Variants in SGCG observed in about 807,000 individuals in gnomAD.
SGCG encodes gamma-sarcoglycan.
A neutral mutation model predicts 29.3 loss-of-function variants in SGCG; 26 were observed. That is an observed-to-expected ratio of 0.89 (90% CI 0.65 to 1.23). The LOEUF is 1.23. SGCG is among the 50% of genes most tolerant of loss of function. The probability of loss-of-function intolerance (pLI) is 0.00; values close to 1 mark genes in which losing one functional copy is unlikely to be tolerated. For missense variants in SGCG, 353 were observed against 356.0 expected, an observed-to-expected ratio of 0.99 and a Z score of 0.07; for synonymous variants, 145 against 129.7, an observed-to-expected ratio of 1.12 and a Z score of -0.80.
At chr13:23,285,504 G>A (rs1881463495) in intron 5 of SGCG, among the ~76,000 whole-genome samples, 1 of 152,216 alleles carries the variant, frequency 6.6e-6, no homozygotes, top group Non-Finnish European at 1.5e-5. Context: ...TGCTGTGTTG[G>A]CAGCAAGAAT....
At chr13:23,295,762 CTT>C (rs1593095585) in intron 6 of SGCG, among the ~76,000 whole-genome samples, 2 of 152,316 alleles carry the variant, frequency 1.3e-5, no homozygotes, top group East Asian at 3.9e-4. Flanking sequence ...ATCAAAATGA[CTT>C]TGCTAAATGC....
At chr13:23,161,914 T>G in the SGCG span, among the ~76,000 whole-genome samples, 1 of 152,248 alleles carries the variant, frequency 6.6e-6, no homozygotes, top group Non-Finnish European at 1.5e-5. Flanking sequence ...ATGATACACT[T>G]AACACCGTGG....
At chr13:23,174,340 C>T in the SGCG span, among the ~76,000 whole-genome samples, 1 of 152,004 alleles carries the variant, frequency 6.6e-6, no homozygotes, top group Non-Finnish European at 1.5e-5. Context: ...ACAAGTTTGG[C>T]CGAAGCTTGA....
At chr13:23,245,215 A>C (rs1413698864) in intron 3 of SGCG, 1 of 152,142 alleles carries the variant, frequency 6.6e-6, no homozygotes, top group Non-Finnish European at 1.5e-5. Context: ...CCCTTTCTAA[A>C]AGAAATGGCT....
the SGCG span, among the ~76,000 whole-genome samples, chr13:23,172,513 G>C: frequency 1.3e-5 from 2 of 152,134 alleles, no homozygotes; most frequent in East Asian, 3.9e-4. Context: ...ATACATTAAA[G>C]TTTTCCTTTA....
At chr13:23,274,131 TG>T (rs886291997) in intron 4 of SGCG, among the ~76,000 whole-genome samples, 6 of 152,338 alleles carry the variant, frequency 3.9e-5, no homozygotes, top group African/African-American at 1.4e-4. Flanking sequence ...TTAACGCTTT[TG>T]ACTTGAATTC....
At chr13:23,286,208 CT>C (rs1881489992) in intron 5 of SGCG, among the ~76,000 whole-genome samples, 1 of 152,196 alleles carries the variant, frequency 6.6e-6, no homozygotes, top group Admixed American at 6.5e-5. Context: ...AGCCACTGGT[CT>C]CTCACCATTA....
At chr13:23,185,182 A>C (rs1593159807) in intron 1 of SGCG, among the ~76,000 whole-genome samples, 6 of 152,166 alleles carry the variant, frequency 3.9e-5, no homozygotes, top group Admixed American at 3.9e-4. Flanking sequence ...GACAACTTTC[A>C]CATAGATAAA....
intron 5 of SGCG, among the ~76,000 whole-genome samples, chr13:23,286,263 G>A (rs928213288): frequency 1.6e-4 from 24 of 152,184 alleles, no homozygotes; most frequent in African/African-American, 2.9e-4. Context: ...CAAATTGATC[G>A]TGAAATTAAA....
At chr13:23,169,894 G>T in the SGCG span, 4 of 152,206 alleles carry the variant, frequency 2.6e-5, no homozygotes, top group African/African-American at 9.7e-5. Context: ...ATTGGGGCTG[G>T]TTTGGGCATG....
At chr13:23,195,897 A>G (rs1417965017) in intron 1 of SGCG, among the ~76,000 whole-genome samples, 1 of 152,084 alleles carries the variant, frequency 6.6e-6, no homozygotes, top group African/African-American at 2.4e-5. Flanking sequence ...TATTAAATTT[A>G]CTGTTACAAA....
intron 1 of SGCG, among the ~76,000 whole-genome samples, chr13:23,184,814 A>G (rs1876905661): frequency 6.6e-6 from 1 of 152,142 alleles, no homozygotes; most frequent in Admixed American, 6.5e-5. Context: ...CCTTAATACA[A>G]CACCTGAACA....
At chr13:23,261,440 A>G (rs1880432977) in intron 4 of SGCG, among the ~76,000 whole-genome samples, 2 of 152,196 alleles carry the variant, frequency 1.3e-5, no homozygotes, top group South Asian at 2.1e-4. Flanking sequence ...TTTTGAATTA[A>G]CTGAATCAGA....
At chr13:23,293,060 T>C (rs1881777960) in intron 5 of SGCG, among the ~76,000 whole-genome samples, 1 of 152,170 alleles carries the variant, frequency 6.6e-6, no homozygotes, top group Non-Finnish European at 1.5e-5. Flanking sequence ...AACCAGACAT[T>C]GTACTCTAAA....
At chr13:23,211,588 A>G (rs1878214741) in intron 2 of SGCG, among the ~76,000 whole-genome samples, 2 of 152,164 alleles carry the variant, frequency 1.3e-5, no homozygotes, top group African/African-American at 4.8e-5. Context: ...GGAAGACGAA[A>G]TGCCTTCACT....
At chr13:23,269,709 A>G (rs1161354680) in intron 4 of SGCG, among the ~76,000 whole-genome samples, 2 of 152,094 alleles carry the variant, frequency 1.3e-5, no homozygotes, top group East Asian at 3.9e-4. Context: ...TATTTTTCAC[A>G]GCTGCATAGT....
chr13:23,213,474 T>C (rs983547193), intron 2 of SGCG, among the ~76,000 whole-genome samples: 4 of 152,124 alleles, frequency 2.6e-5, no homozygotes, highest in Non-Finnish European at 5.9e-5. Flanking sequence ...AGAGTGAGAC[T>C]CCGTTTCAAA....
chr13:23,274,341 C>T (rs1880978985), intron 4 of SGCG, among the ~76,000 whole-genome samples: 1 of 151,272 alleles, frequency 6.6e-6, no homozygotes, highest in South Asian at 2.1e-4. Context: ...TCTCCCTCAA[C>T]TCACAGTTCT....
intron 1 of SGCG, among the ~76,000 whole-genome samples, chr13:23,192,662 C>T (rs140063153): frequency 2.0e-5 from 3 of 152,176 alleles, no homozygotes; most frequent in Non-Finnish European, 4.4e-5. Flanking sequence ...TCCCAGAGTG[C>T]TGGGATTACA....
Sources: gnomAD v4.1 joint callset for allele counts (sites outside exome capture counted in the v4.1 genomes callset) on GRCh38, gnomAD v4.1.1 for gene constraint, MANE v1.5 for transcripts, NCBI Gene and HGNC (gene_info 2026-07-23, HGNC 2026-07-21) for gene names.